RASL12: variants seen among roughly 807,000 people sequenced by gnomAD.
The protein encoded by RASL12 is ras-like protein family member 12.
A neutral mutation model predicts 22.9 loss-of-function variants in RASL12; 16 were observed. That is an observed-to-expected ratio of 0.70 (90% CI 0.47 to 1.06). The LOEUF (loss-of-function observed/expected upper bound fraction) is 1.06. Among genes scored for constraint, RASL12 ranks in the 50% least tolerant of loss-of-function variants. The pLI, the probability that RASL12 is intolerant of heterozygous loss-of-function variation, is 0.00. For synonymous variants in RASL12, 159 were observed against 152.2 expected (o/e 1.04, Z -0.33); for missense variants, 306 against 353.1 (o/e 0.87, Z 1.07).
In RASL12 at chr15:65,053,461, G is replaced by A. The variant is rs866091547; in HGVS notation, c.*1438C>T. The A allele has an allele frequency of 5.1e-5, 60 of 1,169,064 alleles. No homozygotes were observed. The South Asian group carries it at 1.3e-3, about 26-fold the overall frequency. The allele number at this position is 1,169,064 out of a possible 1,614,324, so 72.4% of individuals were successfully genotyped here. On this transcript the variant is annotated 3_prime_UTR_variant, in exon 5 of 5. Coordinates refer to ENST00000220062, the MANE Select transcript of RASL12 (RefSeq NM_016563.4). ...CACACAAGTGGCCTGGAGCAAAAGT[G>A]CAAAATCCGTAGCTGGCCTGTGGGT...
chr15:65,071,015 T>A (rs2086928073), upstream of RASL12, among the ~76,000 whole-genome samples: 1 of 152,172 alleles, frequency 6.6e-6, no homozygotes, highest in East Asian at 1.9e-4. Context: ...AGCCACTCAC[T>A]ACCCTATGTG....
chr15:65,066,108 AAAG>A (rs1421013748), intron 1 of RASL12, among the ~76,000 whole-genome samples: 37 of 151,608 alleles, frequency 2.4e-4, no homozygotes, highest in Non-Finnish European at 3.8e-4. Context: ...AAAGAGAAAG[AAAG>A]AAGAAAGAGA....
intron 4 of RASL12, among the ~76,000 whole-genome samples, chr15:65,058,009 C>A (rs959966392): frequency 6.6e-6 from 1 of 152,184 alleles, no homozygotes; most frequent in East Asian, 1.9e-4. Context: ...CGGTGGCTCA[C>A]GCCTGTAATC....
chr15:65,063,082 A>G (rs2086831413), intron 2 of RASL12, among the ~76,000 whole-genome samples: 1 of 152,176 alleles, frequency 6.6e-6, no homozygotes, highest in Non-Finnish European at 1.5e-5. Flanking sequence ...CAGGAGGCTC[A>G]AACCACCACC....
chr15:65,065,326 T>G, intron 1 of RASL12, 53 bp from the exon 2 acceptor site: 1 of 1,558,862 alleles, frequency 6.4e-7, no homozygotes, highest in Non-Finnish European at 8.7e-7. Flanking sequence ...GTCTAGCTGC[T>G]GGCCCCTCGT....
At chr15:65,051,169 G>C (rs953039018), downstream of RASL12, among the ~76,000 whole-genome samples, 12 of 151,616 alleles carry the variant, frequency 7.9e-5, no homozygotes, top group African/African-American at 2.9e-4. Context: ...GTGCTCCGCA[G>C]GTCCAGCCCA....
upstream of RASL12, among the ~76,000 whole-genome samples, chr15:65,070,461 AAG>A (rs1170047770): frequency 1.3e-5 from 2 of 152,210 alleles, no homozygotes; most frequent in African/African-American, 4.8e-5. Context: ...ACTTCAGATC[AAG>A]AGAGAGGTTA....
At chr15:65,076,660 C>T (rs1295990054) in exon 1 of RASL12, 2 of 759,246 alleles carry the variant, frequency 2.6e-6, no homozygotes, top group East Asian at 2.7e-5. Context: ...TGCAGCCATA[C>T]AGCCTGCGGG....
At chr15:65,049,762 A>C, downstream of RASL12, 1 of 403,462 alleles carries the variant, frequency 2.5e-6, no homozygotes, top group Non-Finnish European at 4.5e-6. Flanking sequence ...CTGCCCCTCC[A>C]GGCTCCACGT....
At chr15:65,075,029 G>C (rs1274940257) in intron 1 of RASL12, among the ~76,000 whole-genome samples, 1 of 152,238 alleles carries the variant, frequency 6.6e-6, no homozygotes, top group Admixed American at 6.5e-5. Flanking sequence ...TGGAGGGAGA[G>C]GCGCGAGCGG....
rs762030544 is a variant in RASL12 at position 65,076,532 on chromosome 15, G to C, written c.67C>G (p.Arg23Gly). 7.1e-6 allele frequency: 5 copies of C among 700,052 alleles called. No individual in the cohort carries two copies. The East Asian group carries it at 8.1e-5, about 11-fold the overall frequency. 43.4% of individuals were successfully genotyped at this position (700,052 alleles called of 1,614,324 possible). Residue 23 changes from arginine (R) to glycine (G), a missense_variant, in exon 1 of 5, where the codon CGA (arginine) becomes GGA (glycine). Transcript: ENST00000434605. ...CCTTAAGAGCTGTAACACTCACCTC[G>C]AGGGTCCGCGGCTTCATTCTTGAAG...
At chr15:65,046,022 G>A in the RASL12 span, among the ~76,000 whole-genome samples, 2 of 152,034 alleles carry the variant, frequency 1.3e-5, no homozygotes, top group Admixed American at 6.6e-5. Context: ...AAAATTGGCC[G>A]GGTGCGGTGG....
At chr15:65,075,673 C>T (rs1364264189) in intron 1 of RASL12, among the ~76,000 whole-genome samples, 1 of 151,904 alleles carries the variant, frequency 6.6e-6, no homozygotes, top group African/African-American at 2.4e-5. Context: ...CCTGGAGAAC[C>T]TTTATGTCTA....
downstream of RASL12, chr15:65,051,590 G>A (rs915865611): frequency 1.2e-6 from 2 of 1,613,292 alleles, no homozygotes; most frequent in African/African-American, 2.7e-5. Context: ...CTGGGAAGAA[G>A]CATCCAGGCA....
At chr15:65,049,577 T>C (rs573707705), downstream of RASL12, 1 of 153,490 alleles carries the variant, frequency 6.5e-6, no homozygotes, top group African/African-American at 2.4e-5. Context: ...GTGGGCGCGC[T>C]GTGGGCTCGT....
At chr15:65,074,428 C>T (rs1286194695) in intron 1 of RASL12, among the ~76,000 whole-genome samples, 7 of 151,392 alleles carry the variant, frequency 4.6e-5, no homozygotes, top group Non-Finnish European at 1.0e-4. Context: ...GATCCTCACT[C>T]TGTTGCCTAG....
intron 2 of RASL12, among the ~76,000 whole-genome samples, chr15:65,060,188 A>G (rs1224474249): frequency 6.6e-6 from 1 of 152,236 alleles, no homozygotes; most frequent in Non-Finnish European, 1.5e-5. Context: ...AGGGCTCTGT[A>G]AGAACTGGAT....
At chr15:65,047,080 G>A in the RASL12 span, among the ~76,000 whole-genome samples, 1 of 152,028 alleles carries the variant, frequency 6.6e-6, no homozygotes, top group Non-Finnish European at 1.5e-5. Context: ...ACAAAGGCTG[G>A]GTGCAGTGGC....
intron 1 of RASL12, among the ~76,000 whole-genome samples, chr15:65,074,742 G>A (rs576567275): frequency 8.6e-4 from 131 of 152,348 alleles, no homozygotes; most frequent in African/African-American, 2.9e-3. Context: ...ACATTCGCAC[G>A]AGGGCACACA....
Sources: allele counts gnomAD v4.1 joint callset (sites outside exome capture counted in the v4.1 genomes callset), GRCh38; gene constraint gnomAD v4.1.1; transcripts MANE v1.5; gene names NCBI Gene and HGNC (gene_info 2026-07-23, HGNC 2026-07-21).